The following CDH18 variants were observed in gnomAD, a reference collection of about 807,000 sequenced individuals.
The protein encoded by CDH18 is cadherin 18.
CDH18 carries 31 observed loss-of-function variants against 67.9 expected under a neutral mutation model. The observed-to-expected ratio is 0.46, with a 90% confidence interval of 0.34 to 0.62. CDH18 has a LOEUF of 0.62. Ranked by LOEUF, CDH18 falls within the 20% of genes least tolerant of loss-of-function variation. The probability of loss-of-function intolerance (pLI) is 0.01; values close to 1 mark genes in which losing one functional copy is unlikely to be tolerated. For synonymous variants in CDH18, 362 were observed against 347.2 expected (o/e 1.04, Z -0.48); for missense variants, 890 against 975.5 (o/e 0.91, Z 1.17).
In CDH18 at chr5:20,334,421, G is replaced by A. The variant is rs1482299764; in HGVS notation, c.-579-78916C>T. ...CAAAGTGCTGGGATTACAGGCGTGA[G>A]CCACCGCGCCCGGCCTGACTTGAAT... On this transcript the variant is annotated intron_variant, in intron 1 of 14. Transcript: ENST00000507958. Among the ~76,000 whole-genome samples, 3 of 151,900 alleles carry A rather than the reference G, an allele frequency of 2.0e-5. No individual in the cohort carries two copies. In the East Asian group the frequency reaches 5.8e-4, roughly 29 times the overall value.
intron 2 of CDH18, among the ~76,000 whole-genome samples, chr5:20,086,294 G>T (rs545597078): frequency 1.5e-3 from 222 of 152,310 alleles, no homozygotes; most frequent in Non-Finnish European, 2.6e-3. Flanking sequence ...GAAATCATTG[G>T]TTCATGAAGT....
intron 1 of CDH18, among the ~76,000 whole-genome samples, chr5:20,562,852 A>G (rs1236039911): frequency 2.0e-5 from 3 of 151,958 alleles, no homozygotes; most frequent in Non-Finnish European, 2.9e-5. Flanking sequence ...TACATCTTTA[A>G]CATGGTTATG....
intron 4 of CDH18, among the ~76,000 whole-genome samples, chr5:19,734,322 C>T (rs1197873365): frequency 6.6e-6 from 1 of 152,062 alleles, no homozygotes; most frequent in Non-Finnish European, 1.5e-5. Flanking sequence ...TGTTGAGTAC[C>T]CTTCTATTTC....
intron 2 of CDH18, among the ~76,000 whole-genome samples, chr5:20,147,469 T>C (rs1166568080): frequency 2.0e-5 from 3 of 152,128 alleles, no homozygotes; most frequent in Admixed American, 1.3e-4. Context: ...AAATAACAGA[T>C]AATTTAAAAA....
intron 1 of CDH18, among the ~76,000 whole-genome samples, chr5:20,407,148 C>T (rs1024022809): frequency 9.2e-5 from 14 of 152,142 alleles, no homozygotes; most frequent in Admixed American, 7.2e-4. Flanking sequence ...CAGACACTTG[C>T]CACAGCTATC....
Position 19,665,140 on chromosome 5 carries a change from T to C in CDH18, c.644-52539A>G, listed in dbSNP as rs527555391. ...AAAAAAATTATATTACATTATTTCA[T>C]TATGGTGATTACTATATATTTAACA... is the stretch of plus-strand genomic sequence containing the variant. On this transcript the variant is annotated intron_variant, in intron 5 of 12. Coordinates refer to ENST00000382275, the MANE Select transcript of CDH18 (RefSeq NM_004934.5). 4.4e-4 allele frequency among the ~76,000 whole-genome samples: 67 copies of C among 152,138 alleles called. No homozygotes were observed. In the Middle Eastern group the frequency reaches 0.014, roughly 31 times the overall value.
chr5:19,730,859 T>G (rs1329478949), intron 4 of CDH18, among the ~76,000 whole-genome samples: 4 of 151,986 alleles, frequency 2.6e-5, no homozygotes, highest in Non-Finnish European at 5.9e-5. Flanking sequence ...ATACATATAT[T>G]AGCCATTAAA....
At chr5:20,131,652 A>C (rs1052484436) in intron 2 of CDH18, among the ~76,000 whole-genome samples, 4 of 152,176 alleles carry the variant, frequency 2.6e-5, no homozygotes, top group Non-Finnish European at 5.9e-5. Context: ...TAGGAAATAG[A>C]ACTAGTTATC....
At chr5:20,053,524 A>G (rs914156808) in intron 2 of CDH18, among the ~76,000 whole-genome samples, 3 of 152,088 alleles carry the variant, frequency 2.0e-5, no homozygotes, top group Admixed American at 6.6e-5. Context: ...TTTCCAGTAA[A>G]TCAGACTGAG....
chr5:19,801,896 T>C (rs1475900521), intron 3 of CDH18, among the ~76,000 whole-genome samples: 2 of 152,160 alleles, frequency 1.3e-5, no homozygotes, highest in African/African-American at 4.8e-5. Flanking sequence ...GTGCCAATAA[T>C]TGATATGTAA....
intron 10 of CDH18, 65 bp downstream of exon 10, chr5:19,520,592 T>A: frequency 7.1e-7 from 1 of 1,415,372 alleles, no homozygotes; most frequent in Non-Finnish European, 9.5e-7. Flanking sequence ...TACCTAAGAA[T>A]AATAAAAATA....
chr5:19,821,489 C>T (rs768312749), intron 3 of CDH18, among the ~76,000 whole-genome samples: 10 of 151,320 alleles, frequency 6.6e-5, no homozygotes, highest in Non-Finnish European at 1.0e-4. Flanking sequence ...AACAAACCCA[C>T]AATTCCTGAG....
At chr5:20,114,900 T>A (rs1379001470) in intron 2 of CDH18, among the ~76,000 whole-genome samples, 2 of 152,118 alleles carry the variant, frequency 1.3e-5, no homozygotes, top group Non-Finnish European at 2.9e-5. Flanking sequence ...GAGTCACATC[T>A]GTAGTAGAGG....
At chr5:19,515,805 A>C (rs1315830323) in intron 10 of CDH18, among the ~76,000 whole-genome samples, 2 of 152,090 alleles carry the variant, frequency 1.3e-5, no homozygotes, top group Admixed American at 1.3e-4. Flanking sequence ...AACAGGGACA[A>C]TTTCACTTCC....
intron 1 of CDH18, among the ~76,000 whole-genome samples, chr5:20,486,711 G>C (rs1469008273): frequency 7.4e-6 from 1 of 135,402 alleles, no homozygotes; most frequent in Non-Finnish European, 1.7e-5. Flanking sequence ...ATATATGTGT[G>C]TGTGTGTATG....
chr5:19,783,408 C>G (rs181735630), intron 3 of CDH18, among the ~76,000 whole-genome samples: 1 of 152,252 alleles, frequency 6.6e-6, no homozygotes, highest in Admixed American at 6.5e-5. Context: ...TTATAAAACT[C>G]ATATATTTCC....
At chr5:20,407,233 AC>A (rs1746347578) in intron 1 of CDH18, among the ~76,000 whole-genome samples, 1 of 152,170 alleles carries the variant, frequency 6.6e-6, no homozygotes, top group African/African-American at 2.4e-5. Flanking sequence ...TTTGGACCAC[AC>A]AACCAATGTT....
intron 2 of CDH18, among the ~76,000 whole-genome samples, chr5:20,232,448 T>C (rs575411884): frequency 2.6e-5 from 4 of 152,138 alleles, no homozygotes; most frequent in Non-Finnish European, 5.9e-5. Context: ...TTACAGTTAT[T>C]AGGCTTTGTC....
intron 2 of CDH18, among the ~76,000 whole-genome samples, chr5:20,190,511 T>C (rs958517434): frequency 6.6e-6 from 1 of 152,094 alleles, no homozygotes; most frequent in Non-Finnish European, 1.5e-5. Context: ...AGCACATCCA[T>C]TCAAGTATAC....
Sources: gnomAD v4.1 joint callset for allele counts (sites outside exome capture counted in the v4.1 genomes callset) on GRCh38, gnomAD v4.1.1 for gene constraint, MANE v1.5 for transcripts, NCBI Gene and HGNC (gene_info 2026-07-23, HGNC 2026-07-21) for gene names.